PYROXD2: variants seen among roughly 807,000 people sequenced by gnomAD.
PYROXD2 encodes the protein pyridine nucleotide-disulphide oxidoreductase domain 2.
In PYROXD2, 69 loss-of-function variants were observed where a neutral mutation model predicts 71.1. The observed-to-expected ratio is 0.97, with a 90% CI of 0.80 to 1.19. The LOEUF (loss-of-function observed/expected upper bound fraction) is 1.19. Among genes scored for constraint, PYROXD2 ranks in the 50% most tolerant of loss-of-function variants. PYROXD2 has a pLI of 0.00. For synonymous variants in PYROXD2, 287 were observed against 302.7 expected (o/e 0.95, Z 0.54); for missense variants, 745 against 748.9 (o/e 0.99, Z 0.06).
At chr10:98,392,886 T>C (rs1842993868) in intron 9 of PYROXD2, 56 bp downstream of exon 9, 1 of 1,573,864 alleles carries the variant, frequency 6.4e-7, no homozygotes. Flanking sequence ...ATCTGAGACT[T>C]TGTTCTGTCC....
intron 9 of PYROXD2, 102 bp from the exon 10 acceptor site, chr10:98,392,668 C>T (rs943975081): frequency 6.5e-7 from 1 of 1,529,048 alleles, no homozygotes; most frequent in African/African-American, 1.4e-5. Context: ...GCATTCACAA[C>T]TTCTTCATCC....
chr10:98,387,344 G>A (rs771752794), intron 13 of PYROXD2, 37 bp from the exon 14 acceptor site: 2 of 1,468,670 alleles, frequency 1.4e-6, no homozygotes, highest in Non-Finnish European at 1.9e-6. Flanking sequence ...GATGGTGTTA[G>A]GAAGAAGAGG....
In PYROXD2 at chr10:98,385,014, C is replaced by G. The variant is rs377105384; in HGVS notation, c.1608G>C (p.Val536=). 6.2e-7 allele frequency: 1 copy of G among 1,613,846 alleles called. No individual in the cohort carries two copies. Among genetic ancestry groups the G allele is most frequent in the East Asian group, 2.2e-5 (1 of 44,874 alleles). The change falls in exon 15 of 16, where the codon GTG becomes GTC. Residue 536 remains valine (V), a synonymous_variant. Coordinates refer to ENST00000370575, the MANE Select transcript of PYROXD2 (RefSeq NM_032709.3). ...SLDQLYFARP[V]PLHSGYRCPL... Reference sequence around the variant, plus strand: ...GGCAGCGGTAGCCAGAATGCAGGGGCACGGGGCGGGCGAAGTAGAGCTGGT... The same window carrying G: ...GGCAGCGGTAGCCAGAATGCAGGGGGACGGGGCGGGCGAAGTAGAGCTGGT...
chr10:98,414,098 T>G (rs1358827670), intron 1 of PYROXD2: 1 of 152,140 alleles, frequency 6.6e-6, no homozygotes, highest in Non-Finnish European at 1.5e-5. Context: ...TATATACATA[T>G]ATATACATGT....
intron 12 of PYROXD2, among the ~76,000 whole-genome samples, chr10:98,389,360 C>A (rs1842870148): frequency 6.6e-6 from 1 of 152,220 alleles, no homozygotes; most frequent in Non-Finnish European, 1.5e-5. Flanking sequence ...CTTGTCCAAG[C>A]CACTGTCCTC....
intron 4 of PYROXD2, among the ~76,000 whole-genome samples, chr10:98,401,089 G>C (rs7073632): frequency 0.44 from 66,326 of 151,408 alleles, 16,175 homozygotes; most frequent in African/African-American, 0.66. Context: ...CCCGTCTCTA[G>C]TAAGAATACA....
chr10:98,390,691 G>C lies in PYROXD2; in HGVS notation c.1199C>G (p.Pro400Arg). The C allele has an allele frequency of 6.2e-7, 1 of 1,612,806 alleles. No individual in the cohort carries two copies. Among genetic ancestry groups the C allele is most frequent in the Non-Finnish European group, 8.5e-7 (1 of 1,179,258 alleles). The change falls in exon 12 of 16, where the codon CCC (proline) becomes CGC (arginine). Residue 400 changes from proline (P) to arginine (R), a missense_variant. Pro to Arg is a moderately radical substitution (Grantham distance 103, BLOSUM62 -2). Transcript: ENST00000370575. ...CAGGTGGATGGAGCATTGGTGATGG[G>C]GCAGCGGCTGGCCCCTGGGAGCATT... ...APNAPRGQPL[P>R]HHQCSIHLNC...
intron 4 of PYROXD2, among the ~76,000 whole-genome samples, chr10:98,403,907 C>T (rs770627658): frequency 6.6e-6 from 1 of 152,130 alleles, no homozygotes; most frequent in Non-Finnish European, 1.5e-5. Flanking sequence ...ACTGAATGAA[C>T]GAATAAACCC....
Position 98,400,109 on chromosome 10 carries a change from T to C in PYROXD2, c.464A>G (p.Asp155Gly). ...QKQIAQFSQK[D>G]AQVFPKYEEF... The stretch of plus-strand genomic sequence containing the variant: ...ACTGGTCGCCTTCCCTACCTGGGCA[T>C]CCTTCTGGGAGAACTGGGCGATCTG... Residue 155 changes from aspartate to glycine, a missense_variant, in exon 5 of 16, where the codon GAT becomes GGT. Asp to Gly is a moderately conservative substitution (Grantham distance 94, BLOSUM62 -1). Transcript: ENST00000370575. 1 of 1,613,074 alleles carries C rather than the reference T, an allele frequency of 6.2e-7. No individual in the cohort carries two copies. Among genetic ancestry groups the C allele is most frequent in the Non-Finnish European group, 8.5e-7 (1 of 1,179,470 alleles).
In PYROXD2 at chr10:98,393,002, G is replaced by A. The variant is rs1843000073; in HGVS notation, c.867C>T (p.Ala289=). 1 of 1,613,436 alleles carries A rather than the reference G, an allele frequency of 6.2e-7. No homozygotes were observed. Among genetic ancestry groups the A allele is most frequent in the Non-Finnish European group, 8.5e-7 (1 of 1,179,564 alleles). Residue 289 remains alanine, a synonymous_variant, in exon 9 of 16, where the codon GCC becomes GCT. Transcript: ENST00000370575. ...AWGYVQGGMG[A]LSDAIASSAT... ...CTGAGCTTGCGATCGCATCAGAGAG[G>A]GCACCCATGCCCCCCTGGACGTAGC...
chr10:98,390,815 C>A, intron 11 of PYROXD2, 61 bp from the exon 12 acceptor site: 1 of 1,529,408 alleles, frequency 6.5e-7, no homozygotes, highest in African/African-American at 1.4e-5. Flanking sequence ...CTACAGCCAG[C>A]ACCCTGCTAC....
intron 8 of PYROXD2, among the ~76,000 whole-genome samples, chr10:98,394,733 T>C (rs1389413099): frequency 1.3e-5 from 2 of 151,606 alleles, no homozygotes; most frequent in African/African-American, 4.9e-5. Context: ...GGTGTCTGTG[T>C]GAGTGTGTAC....
At chr10:98,391,766 C>G (rs1842952154) in intron 10 of PYROXD2, among the ~76,000 whole-genome samples, 1 of 152,144 alleles carries the variant, frequency 6.6e-6, no homozygotes, top group Non-Finnish European at 1.5e-5. Flanking sequence ...TTTGCCAGAC[C>G]TTGAGAACAT....
intron 1 of PYROXD2, 48 bp from the exon 2 acceptor site, chr10:98,411,006 G>A (rs1048077961): frequency 3.9e-6 from 6 of 1,553,324 alleles, no homozygotes; most frequent in African/African-American, 2.7e-5. Flanking sequence ...GTCAGCGGGC[G>A]GGCAGACAGA....
intron 6 of PYROXD2, among the ~76,000 whole-genome samples, chr10:98,396,841 C>T (rs1843202566): frequency 1.3e-5 from 2 of 152,214 alleles, no homozygotes; most frequent in African/African-American, 2.4e-5. Context: ...TTGGCACCCA[C>T]AGATGCACAG....
intron 13 of PYROXD2, 159 bp downstream of exon 13, chr10:98,388,195 G>A: frequency 1.5e-6 from 1 of 686,480 alleles, no homozygotes; most frequent in Non-Finnish European, 2.5e-6. Flanking sequence ...CCTGACCCCT[G>A]CAGTCAACTA....
intron 4 of PYROXD2, among the ~76,000 whole-genome samples, chr10:98,401,508 T>C (rs1843409883): frequency 6.6e-6 from 1 of 152,170 alleles, no homozygotes; most frequent in Admixed American, 6.5e-5. Context: ...GTTAGCTTAC[T>C]GCAAACTTTT....
rs147806129 is a variant in PYROXD2, at chr10:98,388,315, G to A, written c.1447+39C>T. ...GCAGGCCCAGTTGGGTCGCATGCCC[G>A]GCTGTGGCTCTGGAGGCAGAACGTG... On this transcript the variant is annotated intron_variant, in intron 13 of 15. Coordinates refer to ENST00000370575, the MANE Select transcript of PYROXD2 (RefSeq NM_032709.3). 4.9e-4 allele frequency: 795 copies of A among 1,610,766 alleles called. 2 individuals are homozygous for A. In the African/African-American group the frequency reaches 7.0e-3, roughly 14 times the overall value.
chr10:98,386,926 C>G (rs764552751), intron 14 of PYROXD2, among the ~76,000 whole-genome samples: 6 of 152,140 alleles, frequency 3.9e-5, no homozygotes, highest in Non-Finnish European at 8.8e-5. Flanking sequence ...AGTCAGATGG[C>G]AGAGCCAGCA....
Sources: allele counts gnomAD v4.1 joint callset (sites outside exome capture counted in the v4.1 genomes callset), GRCh38; gene constraint gnomAD v4.1.1; transcripts MANE v1.5; gene names NCBI Gene and HGNC (gene_info 2026-07-23, HGNC 2026-07-21).